Variants in LRRC4C observed in about 807,000 individuals in gnomAD.
LRRC4C encodes leucine-rich repeat-containing protein 4C.
A neutral mutation model predicts 33.6 loss-of-function variants in LRRC4C; 5 were observed. The ratio of observed to expected loss-of-function variants is 0.15; its 90% CI spans 0.08 to 0.31. The LOEUF is 0.31. LRRC4C is among the 10% of genes least tolerant of loss of function. The pLI, the probability that LRRC4C is intolerant of heterozygous loss-of-function variation, is 1.00. For synonymous variants in LRRC4C, 329 were observed against 302.0 expected, an observed-to-expected ratio of 1.09 and a Z score of -0.93; for missense variants, 560 against 796.7, an observed-to-expected ratio of 0.70 and a Z score of 3.58.
intron 3 of LRRC4C, among the ~76,000 whole-genome samples, chr11:40,412,196 C>A (rs892639849): frequency 1.3e-5 from 2 of 151,874 alleles, no homozygotes; most frequent in African/African-American, 4.8e-5. Flanking sequence ...ATAATTTTGT[C>A]TTAAAAAACT....
At chr11:41,278,163 A>G (rs1949543167) in intron 1 of LRRC4C, among the ~76,000 whole-genome samples, 1 of 152,180 alleles carries the variant, frequency 6.6e-6, no homozygotes. Context: ...TTTTCTTCAA[A>G]TATGTGAAGA....
intron 3 of LRRC4C, among the ~76,000 whole-genome samples, chr11:40,431,381 C>A (rs1236851478): frequency 8.6e-6 from 1 of 116,406 alleles, no homozygotes; most frequent in Non-Finnish European, 1.7e-5. Context: ...AGTGACAGGG[C>A]GAGACTCTGT....
chr11:40,415,174 T>A (rs1478351001), intron 3 of LRRC4C, among the ~76,000 whole-genome samples: 1 of 152,146 alleles, frequency 6.6e-6, no homozygotes, highest in Non-Finnish European at 1.5e-5. Flanking sequence ...AACACCTTTA[T>A]GCATATATAA....
At chr11:40,221,024 G>A (rs557874834) in intron 5 of LRRC4C, among the ~76,000 whole-genome samples, 1 of 151,580 alleles carries the variant, frequency 6.6e-6, no homozygotes, top group East Asian at 1.9e-4. Context: ...TACAGTCGTC[G>A]GCCACCATGC....
intron 2 of LRRC4C, among the ~76,000 whole-genome samples, chr11:40,812,803 G>T (rs1951548020): frequency 6.6e-6 from 1 of 151,970 alleles, no homozygotes; most frequent in Non-Finnish European, 1.5e-5. Flanking sequence ...GGCACCAAAA[G>T]GCAAGAGAAA....
intron 1 of LRRC4C, among the ~76,000 whole-genome samples, chr11:41,411,548 G>T (rs1244914277): frequency 6.6e-6 from 1 of 152,102 alleles, no homozygotes; most frequent in Non-Finnish European, 1.5e-5. Context: ...GAGAAAAATT[G>T]TACTTCAGAT....
chr11:40,262,239 T>A (rs536817939), intron 4 of LRRC4C, among the ~76,000 whole-genome samples: 1 of 152,152 alleles, frequency 6.6e-6, no homozygotes, highest in Admixed American at 6.5e-5. Flanking sequence ...AAGTTCATCA[T>A]CACGGGTCAT....
At chr11:40,730,898 T>C (rs1947539694) in intron 2 of LRRC4C, among the ~76,000 whole-genome samples, 1 of 152,194 alleles carries the variant, frequency 6.6e-6, no homozygotes, top group African/African-American at 2.4e-5. Flanking sequence ...CCAAATCTCA[T>C]GTTGAAATGT....
At chr11:40,782,445 CT>C (rs201812921) in intron 2 of LRRC4C, among the ~76,000 whole-genome samples, 2,342 of 146,304 alleles carry the variant, frequency 0.016, 60 homozygotes, top group African/African-American at 0.05. Context: ...TAATTGCATA[CT>C]TTTTTTTTTT....
chr11:40,938,518 T>G lies in LRRC4C; in HGVS notation c.-495-4795A>C, dbSNP rs1592139687. Among the ~76,000 whole-genome samples, 4 of 152,172 alleles carry G rather than the reference T, an allele frequency of 2.6e-5. No homozygotes were observed. In the South Asian group the frequency reaches 8.3e-4, roughly 31 times the overall value. On this transcript the variant is annotated intron_variant, in intron 1 of 6. Coordinates refer to ENST00000528697, the MANE Select transcript of LRRC4C (RefSeq NM_001258419.2). ...TCAATATTATGGTAAATACATTATGTGGCATATTTTGATTCTGTGTTGTAT... is the reference window on the plus strand; with the variant it reads ...TCAATATTATGGTAAATACATTATGGGGCATATTTTGATTCTGTGTTGTAT...
intron 4 of LRRC4C, among the ~76,000 whole-genome samples, chr11:40,258,324 T>A (rs1867389441): frequency 6.6e-6 from 1 of 152,170 alleles, no homozygotes; most frequent in African/African-American, 2.4e-5. Context: ...AATTTCAGCC[T>A]AGATTCTCCA....
chr11:40,136,433 C>CT (rs566193838), intron 6 of LRRC4C, among the ~76,000 whole-genome samples: 7,366 of 137,946 alleles, frequency 0.053, 257 homozygotes, highest in Middle Eastern at 0.087. Context: ...TGCCCGGCTA[C>CT]TTTTTTTTTT....
chr11:40,895,909 C>T (rs190028983), intron 2 of LRRC4C, among the ~76,000 whole-genome samples: 2 of 152,250 alleles, frequency 1.3e-5, no homozygotes, highest in Non-Finnish European at 2.9e-5. Context: ...TCCCTTAGTG[C>T]TTTTGAACCC....
intron 2 of LRRC4C, among the ~76,000 whole-genome samples, chr11:40,713,241 T>C (rs938327011): frequency 6.6e-6 from 1 of 152,142 alleles, no homozygotes; most frequent in Non-Finnish European, 1.5e-5. Flanking sequence ...TCTGGTATTG[T>C]AGAGGGCAGA....
chr11:41,003,119 T>C (rs1027814113), intron 1 of LRRC4C, among the ~76,000 whole-genome samples: 1 of 152,204 alleles, frequency 6.6e-6, no homozygotes, highest in Non-Finnish European at 1.5e-5. Context: ...AATGAAGTTG[T>C]AATTTTTAAC....
chr11:40,873,806 C>T (rs1271894384), intron 2 of LRRC4C, among the ~76,000 whole-genome samples: 1 of 152,138 alleles, frequency 6.6e-6, no homozygotes, highest in East Asian at 1.9e-4. Context: ...AACTTTTCTG[C>T]CTTCTTTGAC....
At chr11:41,424,074 T>G (rs887346513) in intron 1 of LRRC4C, 5 of 152,106 alleles carry the variant, frequency 3.3e-5, no homozygotes, top group Non-Finnish European at 2.9e-5. Flanking sequence ...TCTCACTGAA[T>G]TAAGCCAATC....
chr11:41,103,706 G>A (rs1376334370), intron 1 of LRRC4C, among the ~76,000 whole-genome samples: 1 of 151,880 alleles, frequency 6.6e-6, no homozygotes, highest in African/African-American at 2.4e-5. Context: ...CAAAGTTGTA[G>A]GACTTACACT....
At chr11:40,772,312 G>C (rs1386343902) in intron 2 of LRRC4C, among the ~76,000 whole-genome samples, 1 of 152,150 alleles carries the variant, frequency 6.6e-6, no homozygotes, top group South Asian at 2.1e-4. Flanking sequence ...CATGAGAAGA[G>C]CATGGGAGAA....
Sources: allele counts gnomAD v4.1 joint callset (sites outside exome capture counted in the v4.1 genomes callset), GRCh38; gene constraint gnomAD v4.1.1; transcripts MANE v1.5; gene names NCBI Gene and HGNC (gene_info 2026-07-23, HGNC 2026-07-21).